The following DYTN variants were observed in gnomAD, a reference collection of about 807,000 sequenced individuals.
DYTN encodes the protein dystrotelin.
In DYTN, 75 loss-of-function variants were observed where a neutral mutation model predicts 69.6. The observed-to-expected ratio is 1.08, with a 90% confidence interval of 0.89 to 1.31. The LOEUF (loss-of-function observed/expected upper bound fraction) is 1.31, where lower values mean the gene tolerates loss of function less well. Ranked by LOEUF, DYTN falls within the 50% of genes most tolerant of loss-of-function variation. The pLI is 0.00. For synonymous variants in DYTN, 252 were observed against 249.1 expected, an observed-to-expected ratio of 1.01 and a Z score of -0.11; for missense variants, 726 against 688.4, an observed-to-expected ratio of 1.05 and a Z score of -0.61.
intron 9 of DYTN, among the ~76,000 whole-genome samples, chr2:206,685,402 ATCC>A (rs1699795740): frequency 6.6e-6 from 1 of 152,022 alleles, no homozygotes; most frequent in Admixed American, 6.6e-5. Context: ...GGGTCAAGCG[ATCC>A]TCCCATTTCT....
At chr2:206,687,126 C>T (rs184733692) in intron 9 of DYTN, 37 of 155,200 alleles carry the variant, frequency 2.4e-4, no homozygotes, top group Admixed American at 1.8e-3. Flanking sequence ...GGAAATTTCC[C>T]TGGCTTCATC....
intron 1 of DYTN, among the ~76,000 whole-genome samples, chr2:206,717,765 T>G (rs1422231961): frequency 6.6e-6 from 1 of 152,154 alleles, no homozygotes; most frequent in East Asian, 1.9e-4. Context: ...CACAGATCAG[T>G]TCTGGGCCTA....
chr2:206,699,966 C>T (rs1559315720), intron 6 of DYTN, 76 bp from the exon 7 acceptor site: 1 of 1,557,284 alleles, frequency 6.4e-7, no homozygotes. Flanking sequence ...GACTCTAATT[C>T]TGTCAGTTCT....
intron 11 of DYTN, 148 bp from the exon 12 acceptor site, chr2:206,652,069 G>A: frequency 1.5e-6 from 1 of 662,734 alleles, no homozygotes; most frequent in Non-Finnish European, 2.5e-6. Flanking sequence ...CAGCAAATAA[G>A]ATGGCTATTA....
At position 206,707,331 on chromosome 2, in the gene DYTN, A is replaced by G. The variant is rs374496658; in HGVS notation, c.267T>C (p.Thr89=). 22 of 1,612,428 alleles carry G rather than the reference A, an allele frequency of 1.4e-5. No homozygotes were observed. The highest frequency in any genetic ancestry group is 1.9e-5 in the Non-Finnish European group (22 of 1,179,478). The change falls in exon 3 of 12, where the codon ACT becomes ACC. Residue 89 remains threonine, a synonymous_variant. Transcript: ENST00000452335. ...TGTACATTGTCGTGAGAAGGCTCAG[A>G]GTGAGTTCCGGAGCTCTGGGATGCA... ...GQVHPRAPEL[T]LSLLTTMYNS...
intron 10 of DYTN, among the ~76,000 whole-genome samples, chr2:206,664,064 C>T (rs1234205285): frequency 6.7e-6 from 1 of 149,096 alleles, no homozygotes; most frequent in Non-Finnish European, 1.5e-5. Context: ...CCCTCATACA[C>T]TAGCAGTGGA....
chr2:206,667,242 C>A (rs1699583502), intron 9 of DYTN, among the ~76,000 whole-genome samples: 1 of 152,174 alleles, frequency 6.6e-6, no homozygotes, highest in Non-Finnish European at 1.5e-5. Context: ...CTCTTGCTTT[C>A]CGGCTTATTC....
At chr2:206,656,141 G>T (rs1359905738) in intron 11 of DYTN, among the ~76,000 whole-genome samples, 1 of 151,908 alleles carries the variant, frequency 6.6e-6, no homozygotes, top group East Asian at 1.9e-4. Flanking sequence ...GTCAATAATT[G>T]CTTTATATAT....
At chr2:206,668,987 G>A (rs1316342505) in intron 9 of DYTN, among the ~76,000 whole-genome samples, 1 of 152,162 alleles carries the variant, frequency 6.6e-6, no homozygotes, top group Non-Finnish European at 1.5e-5. Context: ...CTCCCCAGCA[G>A]TGTGGAACTG....
Position 206,682,418 on chromosome 2 carries a change from T to A in DYTN, c.980+10757A>T, listed in dbSNP as rs1260957788. 2.0e-5 allele frequency among the ~76,000 whole-genome samples: 3 copies of A among 152,190 alleles called. No homozygotes were observed. In the East Asian group the frequency reaches 5.8e-4, roughly 29 times the overall value. On this transcript the variant is annotated intron_variant, in intron 9 of 11. Transcript: ENST00000452335. Reference sequence around the variant, plus strand: ...TTTGACAGTAGAACACCATGCTGTGTCCTTGAACACTTTCTTCACCTGTCT... The same window carrying A: ...TTTGACAGTAGAACACCATGCTGTGACCTTGAACACTTTCTTCACCTGTCT...
intron 7 of DYTN, among the ~76,000 whole-genome samples, chr2:206,697,596 G>T (rs758714717): frequency 3.3e-5 from 5 of 152,142 alleles, no homozygotes; most frequent in African/African-American, 4.8e-5. Context: ...TAAGTTTAGA[G>T]CTAAAGAAGT....
chr2:206,682,909 T>C (rs1278446326), intron 9 of DYTN, among the ~76,000 whole-genome samples: 1 of 152,044 alleles, frequency 6.6e-6, no homozygotes, highest in East Asian at 1.9e-4. Flanking sequence ...AATAGACACA[T>C]AGATCTAAGG....
At position 206,673,444 on chromosome 2, in the gene DYTN, G is replaced by A. The variant is rs970044866; in HGVS notation, c.981-7415C>T. 6.5e-4 allele frequency among the ~76,000 whole-genome samples: 99 copies of A among 152,198 alleles called. 3 individuals carry two copies. The Middle Eastern group carries it at 0.01, about 16-fold the overall frequency. ...AGCTAATTTTTGTGTTTTTAGTAGA[G>A]ACGGGGTTTCACCACATTGGCCAGG... On this transcript the variant is annotated intron_variant, in intron 9 of 11. Coordinates refer to ENST00000452335, the MANE Select transcript of DYTN (RefSeq NM_001093730.1).
chr2:206,688,348 C>G (rs1248237922), intron 9 of DYTN, among the ~76,000 whole-genome samples: 1 of 152,120 alleles, frequency 6.6e-6, no homozygotes, highest in Non-Finnish European at 1.5e-5. Context: ...ACATCGTAGC[C>G]TTGCTGTGCT....
At chr2:206,655,587 A>ATTTTTTTTTTTTTT (rs146939602) in intron 11 of DYTN, among the ~76,000 whole-genome samples, 1 of 138,248 alleles carries the variant, frequency 7.2e-6, no homozygotes, top group Admixed American at 7.3e-5. Flanking sequence ...TTAAAAAAAA[A>ATTTTTTTTTTTTTT]TTTTTTTTTT....
chr2:206,673,003 G>T (rs1160764924), intron 9 of DYTN, among the ~76,000 whole-genome samples: 1 of 152,124 alleles, frequency 6.6e-6, no homozygotes, highest in South Asian at 2.1e-4. Context: ...TGTCATGGGG[G>T]TTGCTGTACA....
intron 9 of DYTN, among the ~76,000 whole-genome samples, chr2:206,691,614 A>G (rs1254013424): frequency 3.3e-5 from 5 of 152,294 alleles, no homozygotes; most frequent in South Asian, 4.1e-4. Context: ...TTTAAATTCT[A>G]TGTGCAATAT....
chr2:206,697,202 A>C (rs1212163553), intron 7 of DYTN, among the ~76,000 whole-genome samples: 1 of 152,184 alleles, frequency 6.6e-6, no homozygotes, highest in East Asian at 1.9e-4. Flanking sequence ...GTGCTCTGAA[A>C]CTACCTACAG....
intron 11 of DYTN, among the ~76,000 whole-genome samples, chr2:206,659,710 T>C (rs1419480591): frequency 6.6e-6 from 1 of 152,108 alleles, no homozygotes; most frequent in Non-Finnish European, 1.5e-5. Context: ...TTATAAAGCG[T>C]ATTTTAGTAA....
Sources: allele counts gnomAD v4.1 joint callset (sites outside exome capture counted in the v4.1 genomes callset), GRCh38; gene constraint gnomAD v4.1.1; transcripts MANE v1.5; gene names NCBI Gene and HGNC (gene_info 2026-07-23, HGNC 2026-07-21).